Variants in BICC1 observed in about 807,000 individuals in gnomAD.
BICC1 encodes protein bicaudal C homolog 1.
BICC1 carries 43 observed loss-of-function variants against 111.0 expected under a neutral mutation model. That is an observed-to-expected ratio of 0.39 (90% CI 0.30 to 0.50). BICC1 has a LOEUF of 0.50. BICC1 is among the 20% of genes least tolerant of loss of function. BICC1 has a pLI of 0.88. For synonymous variants in BICC1, 467 were observed against 434.4 expected, an observed-to-expected ratio of 1.07 and a Z score of -0.93; for missense variants, 1,091 against 1,203.2, an observed-to-expected ratio of 0.91 and a Z score of 1.38.
chr10:58,786,457 A>G (rs1321597740), intron 4 of BICC1, among the ~76,000 whole-genome samples: 5 of 152,190 alleles, frequency 3.3e-5, no homozygotes, highest in Admixed American at 2.0e-4. Flanking sequence ...CAGTGATTCT[A>G]AAAACTTTCT....
intron 3 of BICC1, among the ~76,000 whole-genome samples, chr10:58,726,878 G>C (rs117783767): frequency 0.01 from 1,565 of 152,316 alleles, 18 homozygotes; most frequent in Non-Finnish European, 0.016. Context: ...GTTTACCACA[G>C]TGAAATTCAG....
chr10:58,815,807 A>G (rs1267068644), intron 18 of BICC1, among the ~76,000 whole-genome samples: 3 of 152,198 alleles, frequency 2.0e-5, no homozygotes, highest in Non-Finnish European at 2.9e-5. Context: ...ATAATTTAAC[A>G]TATGTAAGAT....
At chr10:58,754,970 C>T (rs187378624) in intron 3 of BICC1, among the ~76,000 whole-genome samples, 1 of 152,246 alleles carries the variant, frequency 6.6e-6, no homozygotes, top group Non-Finnish European at 1.5e-5. Context: ...GTTGCTAATA[C>T]CAGATGAGTT....
intron 2 of BICC1, among the ~76,000 whole-genome samples, chr10:58,639,981 G>T (rs1838075745): frequency 6.6e-6 from 1 of 152,064 alleles, no homozygotes; most frequent in Non-Finnish European, 1.5e-5. Flanking sequence ...GTAGTATTGA[G>T]AAACGGGGTC....
chr10:58,526,811 T>A (rs1222351493), intron 1 of BICC1, among the ~76,000 whole-genome samples: 1 of 152,258 alleles, frequency 6.6e-6, no homozygotes, highest in Non-Finnish European at 1.5e-5. Context: ...CCACATTTTC[T>A]TAATTCAGTC....
intron 1 of BICC1, among the ~76,000 whole-genome samples, chr10:58,592,869 C>T (rs1224559386): frequency 3.1e-5 from 4 of 127,752 alleles, no homozygotes; most frequent in Non-Finnish European, 6.5e-5. Context: ...GAGCAAGACT[C>T]CGTCTCAAAA....
intron 1 of BICC1, among the ~76,000 whole-genome samples, chr10:58,580,762 A>G (rs1282061153): frequency 6.6e-6 from 1 of 152,168 alleles, no homozygotes; most frequent in Non-Finnish European, 1.5e-5. Context: ...ATCAAGCAAT[A>G]TTTTTATTAA....
chr10:58,807,028 C>A lies in BICC1; in HGVS notation c.2246C>A (p.Thr749Lys). The A allele has an allele frequency of 1.9e-6, 3 of 1,613,288 alleles. No individual in the cohort carries two copies. The South Asian group carries it at 3.3e-5, about 18-fold the overall frequency. Residue 749 changes from threonine to lysine, a missense_variant, in exon 17 of 21, where the codon ACG becomes AAG. Around this residue, in one of 3 missense-constraint regions of BICC1, gnomAD observed 17 missense variants for 46.2 expected, o/e 0.37. Coordinates refer to ENST00000373886, the MANE Select transcript of BICC1 (RefSeq NM_001080512.3). Reference protein sequence around the residue: ...TKAMLKKPVVTEVRTPTNTWS... With the variant: ...TKAMLKKPVVKEVRTPTNTWS... Reference sequence around the variant, plus strand: ...GCTATGTTAAAGAAACCAGTGGTGACGGAGGTCAGAACGCCCACAAATACC... The same window carrying A: ...GCTATGTTAAAGAAACCAGTGGTGAAGGAGGTCAGAACGCCCACAAATACC...
chr10:58,646,182 A>C (rs891928677), intron 2 of BICC1, among the ~76,000 whole-genome samples: 2 of 151,892 alleles, frequency 1.3e-5, no homozygotes, highest in African/African-American at 4.8e-5. Context: ...TCCTAAGAAT[A>C]GTATTATGCC....
At chr10:58,818,380 G>C (rs1844160885) in intron 19 of BICC1, among the ~76,000 whole-genome samples, 1 of 151,936 alleles carries the variant, frequency 6.6e-6, no homozygotes, top group Non-Finnish European at 1.5e-5. Context: ...ATATTACTGG[G>C]GCACAGCTAA....
At chr10:58,534,865 T>TGG (rs1842786769) in intron 1 of BICC1, among the ~76,000 whole-genome samples, 1 of 150,180 alleles carries the variant, frequency 6.7e-6, no homozygotes, top group Admixed American at 6.6e-5. Context: ...CAATGAAAAA[T>TGG]TTTTTTTTAA....
At chr10:58,710,922 C>T (rs761489218) in intron 3 of BICC1, among the ~76,000 whole-genome samples, 45 of 152,062 alleles carry the variant, frequency 3.0e-4, no homozygotes, top group Non-Finnish European at 4.7e-4. Context: ...GATCATAGCT[C>T]GGTGCAGCCT....
intron 1 of BICC1, among the ~76,000 whole-genome samples, chr10:58,565,829 T>TC (rs1182009633): frequency 3.9e-5 from 6 of 152,296 alleles, no homozygotes; most frequent in South Asian, 4.1e-4. Flanking sequence ...AATCCTTTAT[T>TC]TCCATAGGTT....
At chr10:58,771,081 A>G (rs553372275) in intron 3 of BICC1, among the ~76,000 whole-genome samples, 8 of 152,212 alleles carry the variant, frequency 5.3e-5, no homozygotes, top group Non-Finnish European at 1.2e-4. Flanking sequence ...TCCATAGCCT[A>G]TGCTAGAGAT....
At chr10:58,541,816 T>C (rs977183286) in intron 1 of BICC1, among the ~76,000 whole-genome samples, 1 of 147,184 alleles carries the variant, frequency 6.8e-6, no homozygotes, top group African/African-American at 2.5e-5. Context: ...ATATTACAAA[T>C]CCATAGCAAT....
At chr10:58,663,257 G>A (rs948222107) in intron 2 of BICC1, among the ~76,000 whole-genome samples, 3 of 151,840 alleles carry the variant, frequency 2.0e-5, no homozygotes, top group African/African-American at 4.8e-5. Flanking sequence ...AGTAGAGACA[G>A]GGTTTCACCA....
At chr10:58,695,387 G>T (rs1193795372) in intron 2 of BICC1, among the ~76,000 whole-genome samples, 1 of 152,176 alleles carries the variant, frequency 6.6e-6, no homozygotes, top group Non-Finnish European at 1.5e-5. Context: ...ATGAGGGACA[G>T]ACCTTATTTC....
Position 58,773,776 on chromosome 10 carries a change from T to G in BICC1, c.308-11225T>G, listed in dbSNP as rs113010984. ...TGAGAAGACAAAACATCTTTTAAGT[T>G]GCCATCCTGGTGAAACTATTTGTTA... On this transcript the variant is annotated intron_variant, in intron 3 of 20. Transcript: ENST00000373886. Among the ~76,000 whole-genome samples, 78 of 152,348 alleles carry G rather than the reference T, an allele frequency of 5.1e-4. 1 individual carries two copies. The highest frequency in any genetic ancestry group is 1.4e-3 in the Admixed American group (22 of 15,304).
At chr10:58,729,652 G>T (rs1173688253) in intron 3 of BICC1, among the ~76,000 whole-genome samples, 1 of 152,256 alleles carries the variant, frequency 6.6e-6, no homozygotes, top group African/African-American at 2.4e-5. Flanking sequence ...CTCCTTCTGG[G>T]GAGGCCTCAG....
Sources: gnomAD v4.1 joint callset for allele counts (sites outside exome capture counted in the v4.1 genomes callset) on GRCh38, gnomAD v4.1.1 for gene constraint, gnomAD v4.1.1 regional missense constraint, MANE v1.5 for transcripts, NCBI Gene and HGNC (gene_info 2026-07-23, HGNC 2026-07-21) for gene names.